NBAS: variants seen among roughly 807,000 people sequenced by gnomAD.
NBAS encodes the protein NAG/BC035112 fusion.
A neutral mutation model predicts 302.5 loss-of-function variants in NBAS; 219 were observed. That is an observed-to-expected ratio of 0.72 (90% CI 0.65 to 0.81). The LOEUF is 0.81. Ranked by LOEUF, NBAS falls within the 30% of genes least tolerant of loss-of-function variation. The pLI is 0.00. For missense variants in NBAS, 2,932 were observed against 2,841.6 expected (o/e 1.03, Z -0.72); for synonymous variants, 1,118 against 1,021.6 (o/e 1.09, Z -1.80).
intron 35 of NBAS, among the ~76,000 whole-genome samples, chr2:15,336,488 C>T (rs1307829951): frequency 2.0e-5 from 3 of 152,084 alleles, no homozygotes; most frequent in Non-Finnish European, 4.4e-5. Flanking sequence ...AATCCCAGCA[C>T]TTTGGGAGGC....
At chr2:15,111,761 A>C in the NBAS span, among the ~76,000 whole-genome samples, 1 of 151,774 alleles carries the variant, frequency 6.6e-6, no homozygotes, top group South Asian at 2.1e-4. Flanking sequence ...TTGGGGAAGG[A>C]GCAAGGAACG....
the NBAS span, among the ~76,000 whole-genome samples, chr2:14,875,345 C>T: frequency 6.6e-6 from 1 of 152,218 alleles, no homozygotes; most frequent in Middle Eastern, 3.4e-3. Context: ...CAGGGCTGGG[C>T]ATGGTGGCTC....
At chr2:14,899,393 T>C in the NBAS span, among the ~76,000 whole-genome samples, 3 of 152,246 alleles carry the variant, frequency 2.0e-5, no homozygotes, top group Non-Finnish European at 4.4e-5. Flanking sequence ...AACACATAAA[T>C]AATTTTCCTT....
intron 11 of NBAS, among the ~76,000 whole-genome samples, chr2:15,496,097 TACACACACAC>T (rs61047968): frequency 3.3e-4 from 47 of 144,054 alleles, no homozygotes; most frequent in African/African-American, 8.6e-4. Context: ...CATATACAGA[TACACACACAC>T]ACACACACAC....
chr2:15,313,487 T>C (rs1671367723), intron 38 of NBAS, among the ~76,000 whole-genome samples: 1 of 152,142 alleles, frequency 6.6e-6, no homozygotes, highest in Admixed American at 6.5e-5. Context: ...CAAAATAAAA[T>C]CGATGTCTTT....
chr2:15,056,018 C>T, the NBAS span, among the ~76,000 whole-genome samples: 2 of 151,620 alleles, frequency 1.3e-5, no homozygotes, highest in East Asian at 3.9e-4. Context: ...TTTAAGTTTT[C>T]AGTCCCTCTG....
At chr2:15,258,172 C>T (rs1668690063) in intron 44 of NBAS, among the ~76,000 whole-genome samples, 1 of 152,160 alleles carries the variant, frequency 6.6e-6, no homozygotes, top group African/African-American at 2.4e-5. Flanking sequence ...ATTTCTTATG[C>T]CTGTCTTACA....
intron 28 of NBAS, among the ~76,000 whole-genome samples, chr2:15,388,325 G>C (rs1359209549): frequency 2.6e-5 from 4 of 151,696 alleles, no homozygotes; most frequent in Non-Finnish European, 5.9e-5. Context: ...TTTATTCTTA[G>C]GTATTTAATG....
chr2:15,186,807 A>G lies in NBAS; in HGVS notation c.6646T>C (p.Leu2216=), dbSNP rs374199303. 1.2e-5 allele frequency: 19 copies of G among 1,613,454 alleles called. No individual in the cohort carries two copies. Among genetic ancestry groups the G allele is most frequent in the African/African-American group, 2.7e-5 (2 of 74,720 alleles). Residue 2216 remains leucine, a synonymous_variant, in exon 50 of 52, where the codon TTG becomes CTG. Coordinates refer to ENST00000281513, the MANE Select transcript of NBAS (RefSeq NM_015909.4). ...CACATTTTCAAAACTTCATTCCCCA[A>G]TCCTTCCTTGTTCTCCATCGTACAT... ...TRCTMENKEG[L]GNEVLKMCRS...
intron 19 of NBAS, among the ~76,000 whole-genome samples, chr2:15,464,337 A>G (rs1679633637): frequency 6.6e-6 from 1 of 152,114 alleles, no homozygotes; most frequent in African/African-American, 2.4e-5. Flanking sequence ...GGACACTATT[A>G]GATGAGAAAT....
the NBAS span, among the ~76,000 whole-genome samples, chr2:14,930,268 C>G: frequency 6.6e-6 from 1 of 152,116 alleles, no homozygotes; most frequent in Non-Finnish European, 1.5e-5. Context: ...GAATGAGGAT[C>G]AGAAGAGTAA....
At chr2:14,901,715 A>C in the NBAS span, among the ~76,000 whole-genome samples, 24 of 152,330 alleles carry the variant, frequency 1.6e-4, no homozygotes, top group South Asian at 5.0e-3. Context: ...AATATTCATT[A>C]AACTTAATTC....
intron 11 of NBAS, among the ~76,000 whole-genome samples, chr2:15,495,598 A>G (rs1275961431): frequency 6.6e-6 from 1 of 152,154 alleles, no homozygotes; most frequent in Non-Finnish European, 1.5e-5. Flanking sequence ...ATAAACAGAT[A>G]AACCTAAGCC....
chr2:15,297,935 C>T (rs1486730446), intron 40 of NBAS, among the ~76,000 whole-genome samples: 1 of 152,106 alleles, frequency 6.6e-6, no homozygotes, highest in Admixed American at 6.6e-5. Flanking sequence ...TCTATTTGAG[C>T]CGCTTGCTTT....
At chr2:14,992,249 A>G in the NBAS span, among the ~76,000 whole-genome samples, 7 of 152,176 alleles carry the variant, frequency 4.6e-5, no homozygotes, top group South Asian at 8.3e-4. Flanking sequence ...CAGAGTCTTC[A>G]GGGAATTAAA....
chr2:14,980,468 T>A, the NBAS span, among the ~76,000 whole-genome samples: 1 of 152,158 alleles, frequency 6.6e-6, no homozygotes, highest in Non-Finnish European at 1.5e-5. Flanking sequence ...GCAAGGGGAT[T>A]ATGATTGCAA....
intron 27 of NBAS, 52 bp downstream of exon 27, chr2:15,396,361 A>G: frequency 7.0e-7 from 1 of 1,432,062 alleles, no homozygotes; most frequent in African/African-American, 1.4e-5. Flanking sequence ...CATTTCTTGG[A>G]CAAATTCCCT....
intron 48 of NBAS, among the ~76,000 whole-genome samples, chr2:15,200,647 A>G (rs1479097433): frequency 6.6e-6 from 1 of 152,250 alleles, no homozygotes; most frequent in East Asian, 1.9e-4. Flanking sequence ...TGACTCAAAC[A>G]TAAGAATATT....
At chr2:15,381,727 T>G (rs999387453) in intron 29 of NBAS, among the ~76,000 whole-genome samples, 2 of 152,204 alleles carry the variant, frequency 1.3e-5, no homozygotes, top group Non-Finnish European at 2.9e-5. Flanking sequence ...TTGCTTTAGA[T>G]GCAAAAGGGG....
Sources: gnomAD v4.1 joint callset for allele counts (sites outside exome capture counted in the v4.1 genomes callset) on GRCh38, gnomAD v4.1.1 for gene constraint, MANE v1.5 for transcripts, NCBI Gene and HGNC (gene_info 2026-07-23, HGNC 2026-07-21) for gene names.